Variants in AFF3 observed in about 807,000 individuals in gnomAD.
The protein encoded by AFF3 is ALF transcription elongation factor 3, also known as AF4/FMR2 family member 3.
Under a neutral mutation model 129.7 loss-of-function variants are expected in AFF3, and 32 were observed. That is an observed-to-expected ratio of 0.25 (90% CI 0.19 to 0.33). The LOEUF (loss-of-function observed/expected upper bound fraction) is 0.33. Ranked by LOEUF, AFF3 falls within the 10% of genes least tolerant of loss-of-function variation. AFF3 has a pLI of 1.00. For synonymous variants in AFF3, 644 were observed against 635.4 expected (o/e 1.01, Z -0.20); for missense variants, 1,373 against 1,592.0 (o/e 0.86, Z 2.34).
At chr2:99,803,948 C>T (rs535280767) in intron 8 of AFF3, among the ~76,000 whole-genome samples, 10 of 152,140 alleles carry the variant, frequency 6.6e-5, no homozygotes, top group African/African-American at 2.4e-4. Context: ...GGATCAAACA[C>T]TTAAATCTAA....
chr2:99,723,810 G>T (rs1217494867), intron 11 of AFF3, among the ~76,000 whole-genome samples: 2 of 152,152 alleles, frequency 1.3e-5, no homozygotes, highest in African/African-American at 4.8e-5. Context: ...AGGTAATCAA[G>T]TTAAAATGAC....
Position 99,928,522 on chromosome 2 carries a change from G to A in AFF3, c.873+78110C>T, listed in dbSNP as rs187248163. ...ATAACTAGAACAAGTTGTTGTTCTC[G>A]TAAACTTTGTTTTCCAGTGTCAGAT... On this transcript the variant is annotated intron_variant, in intron 7 of 24. Coordinates refer to ENST00000672756, the MANE Select transcript of AFF3 (RefSeq NM_001386135.1). 4.6e-5 allele frequency among the ~76,000 whole-genome samples: 7 copies of A among 152,182 alleles called. No homozygotes were observed. The East Asian group carries it at 5.8e-4, about 13-fold the overall frequency.
intron 8 of AFF3, among the ~76,000 whole-genome samples, chr2:99,789,852 A>C (rs1685076725): frequency 6.6e-6 from 1 of 152,266 alleles, no homozygotes; most frequent in Non-Finnish European, 1.5e-5. Flanking sequence ...GCAAATTAAA[A>C]GATGGCTACA....
Position 100,037,431 on chromosome 2 carries a change from T to G in AFF3, c.54-28499A>C, listed in dbSNP as rs1249605358. 3.1e-5 allele frequency among the ~76,000 whole-genome samples: 4 copies of G among 131,040 alleles called. No individual in the cohort carries two copies. In the Admixed American group the frequency reaches 3.7e-4, roughly 12 times the overall value. 86.0% of individuals were successfully genotyped at this position (131,040 alleles called of 152,430 possible). ...ATATTTATTTATTTATATATAAATA[T>G]ATATTTATATTTTATATATTATTTA... On this transcript the variant is annotated intron_variant, in intron 4 of 24. Coordinates refer to ENST00000672756, the MANE Select transcript of AFF3 (RefSeq NM_001386135.1).
chr2:99,988,679 G>C (rs1348572367), intron 7 of AFF3, among the ~76,000 whole-genome samples: 1 of 152,100 alleles, frequency 6.6e-6, no homozygotes, highest in African/African-American at 2.4e-5. Context: ...TGATAAGCGT[G>C]GCAGGAAAGA....
chr2:99,876,173 C>T (rs184429315), intron 7 of AFF3, among the ~76,000 whole-genome samples: 49 of 152,270 alleles, frequency 3.2e-4, no homozygotes, highest in East Asian at 2.1e-3. Flanking sequence ...CTATGAATCC[C>T]GGTGGCTTTG....
intron 4 of AFF3, among the ~76,000 whole-genome samples, chr2:100,079,096 A>G (rs1688833914): frequency 2.0e-5 from 3 of 151,950 alleles, no homozygotes; most frequent in Admixed American, 2.0e-4. Flanking sequence ...ATAGGTGCTC[A>G]CCACCACGCC....
intron 24 of AFF3, 71 bp from the exon 25 acceptor site, chr2:99,551,666 G>C: frequency 6.3e-7 from 1 of 1,581,766 alleles, no homozygotes; most frequent in African/African-American, 1.3e-5. Flanking sequence ...ACTGATGTAA[G>C]GAAAAATTCC....
At chr2:100,073,543 T>G (rs1688366891) in intron 4 of AFF3, among the ~76,000 whole-genome samples, 1 of 152,188 alleles carries the variant, frequency 6.6e-6, no homozygotes, top group Non-Finnish European at 1.5e-5. Flanking sequence ...TAGGGCAGCT[T>G]CATCAAATTA....
intron 4 of AFF3, among the ~76,000 whole-genome samples, chr2:100,041,753 A>T (rs1050951964): frequency 2.0e-5 from 3 of 152,230 alleles, no homozygotes; most frequent in Admixed American, 6.5e-5. Context: ...TTAGAAACAT[A>T]GGGAGATATA....
At chr2:100,011,127 A>T (rs1682497438) in intron 4 of AFF3, among the ~76,000 whole-genome samples, 1 of 152,136 alleles carries the variant, frequency 6.6e-6, no homozygotes, top group South Asian at 2.1e-4. Context: ...ACAAAAAATT[A>T]GCCAGGGGCG....
intron 8 of AFF3, among the ~76,000 whole-genome samples, chr2:99,776,294 G>A (rs1001093963): frequency 6.6e-6 from 1 of 152,194 alleles, no homozygotes; most frequent in Non-Finnish European, 1.5e-5. Context: ...TCACAGAAGA[G>A]TAGGGGTCAG....
At chr2:99,598,997 C>T (rs1228716240) in intron 14 of AFF3, among the ~76,000 whole-genome samples, 2 of 152,254 alleles carry the variant, frequency 1.3e-5, no homozygotes, top group South Asian at 2.1e-4. Flanking sequence ...CTGGCTAACA[C>T]ATCACCTGCT....
chr2:99,846,959 C>T (rs979514335), intron 7 of AFF3, among the ~76,000 whole-genome samples: 5 of 152,008 alleles, frequency 3.3e-5, no homozygotes, highest in Admixed American at 6.6e-5. Context: ...TGAGGTGATA[C>T]GCTAGAAATA....
intron 14 of AFF3, 126 bp from the exon 15 acceptor site, chr2:99,594,415 C>G: frequency 7.2e-7 from 1 of 1,381,206 alleles, no homozygotes. Context: ...GGGCTGGAAG[C>G]AAAAGGAAAA....
At chr2:99,870,724 A>G (rs906308955) in intron 7 of AFF3, among the ~76,000 whole-genome samples, 2 of 152,248 alleles carry the variant, frequency 1.3e-5, no homozygotes, top group African/African-American at 4.8e-5. Flanking sequence ...GCTGTGGAAA[A>G]AGTGCAGACA....
At chr2:99,893,740 A>C (rs1038407321) in intron 7 of AFF3, among the ~76,000 whole-genome samples, 1 of 152,186 alleles carries the variant, frequency 6.6e-6, no homozygotes, top group African/African-American at 2.4e-5. Flanking sequence ...ATCAACTAAC[A>C]CTATTTGATT....
chr2:99,813,388 C>T (rs1436760718), intron 8 of AFF3, among the ~76,000 whole-genome samples: 1 of 152,150 alleles, frequency 6.6e-6, no homozygotes, highest in Non-Finnish European at 1.5e-5. Context: ...AGTAGTAGTA[C>T]TGGGAAGTCT....
At chr2:99,798,411 A>G (rs1489166814) in intron 8 of AFF3, among the ~76,000 whole-genome samples, 1 of 151,984 alleles carries the variant, frequency 6.6e-6, no homozygotes, top group Non-Finnish European at 1.5e-5. Context: ...AATTATTGAT[A>G]CGGTTAGGAT....
Sources: gnomAD v4.1 joint callset for allele counts (sites outside exome capture counted in the v4.1 genomes callset) on GRCh38, gnomAD v4.1.1 for gene constraint, MANE v1.5 for transcripts, NCBI Gene and HGNC (gene_info 2026-07-23, HGNC 2026-07-21) for gene names.